The following CDC42SE2 variants were observed in gnomAD, a reference collection of about 807,000 sequenced individuals.
The protein encoded by CDC42SE2 is CDC42 small effector protein 2.
Under a neutral mutation model 11.5 loss-of-function variants are expected in CDC42SE2, and 3 were observed. The ratio of observed to expected loss-of-function variants is 0.26; its 90% CI spans 0.12 to 0.67. The LOEUF is 0.67. Ranked by LOEUF, CDC42SE2 falls within the 30% of genes least tolerant of loss-of-function variation. The probability of loss-of-function intolerance (pLI) is 0.80; values close to 1 mark genes in which losing one functional copy is unlikely to be tolerated. For synonymous variants in CDC42SE2, 33 were observed against 34.8 expected (o/e 0.95, Z 0.18); for missense variants, 82 against 106.8 (o/e 0.77, Z 1.02).
chr5:131,334,099 T>G (rs1758494302), intron 2 of CDC42SE2, among the ~76,000 whole-genome samples: 1 of 152,096 alleles, frequency 6.6e-6, no homozygotes, highest in Non-Finnish European at 1.5e-5. Context: ...TGGCTGTGGG[T>G]TTGTCATAGA....
intron 1 of CDC42SE2, among the ~76,000 whole-genome samples, chr5:131,305,088 A>G (rs912069035): frequency 2.8e-5 from 4 of 144,964 alleles, no homozygotes; most frequent in Non-Finnish European, 4.6e-5. Context: ...ATTAGTTTCT[A>G]TTTTCTAGAA....
intron 2 of CDC42SE2, among the ~76,000 whole-genome samples, chr5:131,358,751 T>C (rs1749625652): frequency 6.6e-6 from 1 of 152,166 alleles, no homozygotes. Flanking sequence ...TTGTTTATGG[T>C]TTTTGATGAA....
chr5:131,236,180 G>T, the CDC42SE2 span, among the ~76,000 whole-genome samples: 1 of 151,848 alleles, frequency 6.6e-6, no homozygotes, highest in Non-Finnish European at 1.5e-5. Flanking sequence ...GGTCTGTTTG[G>T]CTTTTTTCCC....
At chr5:131,270,650 T>G (rs1728423040) in intron 1 of CDC42SE2, among the ~76,000 whole-genome samples, 1 of 152,228 alleles carries the variant, frequency 6.6e-6, no homozygotes, top group Non-Finnish European at 1.5e-5. Context: ...TGCTTCTAGA[T>G]GAGCTTTTAG....
At chr5:131,332,464 A>G (rs1209211577) in intron 2 of CDC42SE2, among the ~76,000 whole-genome samples, 1 of 152,102 alleles carries the variant, frequency 6.6e-6, no homozygotes, top group Non-Finnish European at 1.5e-5. Flanking sequence ...ATGATTTATA[A>G]TCCTTTGGGT....
At chr5:131,357,097 A>T (rs560488056) in intron 2 of CDC42SE2, among the ~76,000 whole-genome samples, 1 of 152,354 alleles carries the variant, frequency 6.6e-6, no homozygotes, top group East Asian at 1.9e-4. Flanking sequence ...CTTTGAGCTT[A>T]TAAAACTTCA....
intron 1 of CDC42SE2, among the ~76,000 whole-genome samples, chr5:131,309,055 C>A (rs1350961539): frequency 2.6e-5 from 4 of 151,706 alleles, no homozygotes; most frequent in Non-Finnish European, 4.4e-5. Flanking sequence ...CAGTTTTTGC[C>A]CATTCAGTAT....
chr5:131,386,104 G>GT (rs1487383566), intron 4 of CDC42SE2, among the ~76,000 whole-genome samples: 1 of 152,230 alleles, frequency 6.6e-6, no homozygotes, highest in Non-Finnish European at 1.5e-5. Flanking sequence ...CCAGGGACCA[G>GT]TTTCGTGGAA....
At chr5:131,336,343 G>T (rs1026537009) in intron 2 of CDC42SE2, among the ~76,000 whole-genome samples, 1 of 152,210 alleles carries the variant, frequency 6.6e-6, no homozygotes, top group African/African-American at 2.4e-5. Flanking sequence ...GAGATCTGCT[G>T]TTAGTCTGAT....
chr5:131,343,979 A>G (rs1439732296), intron 2 of CDC42SE2, among the ~76,000 whole-genome samples: 2 of 152,110 alleles, frequency 1.3e-5, no homozygotes, highest in Admixed American at 6.5e-5. Context: ...TAATGGATAC[A>G]TTTTTTATGT....
intron 2 of CDC42SE2, among the ~76,000 whole-genome samples, chr5:131,348,586 A>G (rs923885754): frequency 6.6e-6 from 1 of 152,232 alleles, no homozygotes; most frequent in African/African-American, 2.4e-5. Context: ...GTATAGATTC[A>G]ATGCCATCCC....
chr5:131,259,626 C>T (rs1196389855), upstream of CDC42SE2, among the ~76,000 whole-genome samples: 1 of 152,182 alleles, frequency 6.6e-6, no homozygotes, highest in African/African-American at 2.4e-5. Context: ...GTATCCCAAG[C>T]AGTTAGTACA....
At chr5:131,342,210 G>C (rs1315936182) in intron 2 of CDC42SE2, among the ~76,000 whole-genome samples, 1 of 150,230 alleles carries the variant, frequency 6.7e-6, no homozygotes, top group Non-Finnish European at 1.5e-5. Context: ...AACTGGGGGG[G>C]TGGAGGTTGC....
chr5:131,345,914 A>G (rs1172922288), intron 2 of CDC42SE2, among the ~76,000 whole-genome samples: 3 of 152,198 alleles, frequency 2.0e-5, no homozygotes, highest in South Asian at 2.1e-4. Flanking sequence ...TCATAAGTGA[A>G]GGAGAAATAA....
chr5:131,238,481 C>T, the CDC42SE2 span, among the ~76,000 whole-genome samples: 2 of 137,252 alleles, frequency 1.5e-5, no homozygotes, highest in African/African-American at 5.7e-5. Flanking sequence ...CCAGCCTGAG[C>T]GACAAAGCCA....
At chr5:131,301,723 A>T (rs1757686630) in intron 1 of CDC42SE2, among the ~76,000 whole-genome samples, 1 of 151,278 alleles carries the variant, frequency 6.6e-6, no homozygotes, top group East Asian at 1.9e-4. Context: ...ACGCCACTGC[A>T]CTCTAGTTTG....
intron 1 of CDC42SE2, among the ~76,000 whole-genome samples, chr5:131,315,013 G>A (rs536430272): frequency 6.6e-6 from 1 of 152,142 alleles, no homozygotes; most frequent in Non-Finnish European, 1.5e-5. Context: ...GGAAGAGCCA[G>A]TTGCCTTGGT....
At chr5:131,229,166 GGTGT>G in the CDC42SE2 span, among the ~76,000 whole-genome samples, 13 of 149,524 alleles carry the variant, frequency 8.7e-5, no homozygotes, top group African/African-American at 1.5e-4. Context: ...TACCTTATGG[GGTGT>G]GTGTGTGTGT....
At chr5:131,272,081 G>T (rs560216737) in intron 1 of CDC42SE2, among the ~76,000 whole-genome samples, 2 of 152,228 alleles carry the variant, frequency 1.3e-5, no homozygotes, top group African/African-American at 4.8e-5. Context: ...CGCGATCTTG[G>T]CTCACTGCAA....
Sources: gnomAD v4.1 joint callset for allele counts (sites outside exome capture counted in the v4.1 genomes callset) on GRCh38, gnomAD v4.1.1 for gene constraint, MANE v1.5 for transcripts, NCBI Gene and HGNC (gene_info 2026-07-23, HGNC 2026-07-21) for gene names.